The following MCM4 variants were observed in gnomAD, a reference collection of about 807,000 sequenced individuals.
The protein encoded by MCM4 is DNA replication licensing factor MCM4.
MCM4 carries 60 observed loss-of-function variants against 88.7 expected under a neutral mutation model. The ratio of observed to expected loss-of-function variants is 0.68; its 90% CI spans 0.55 to 0.84. MCM4 has a LOEUF of 0.84. MCM4 is among the 40% of genes least tolerant of loss of function. The pLI is 0.00. For missense variants in MCM4, 1,149 were observed against 1,105.5 expected (o/e 1.04, Z -0.56); for synonymous variants, 465 against 410.5 (o/e 1.13, Z -1.61).
chr8:47,964,039 C>T (rs997385222), intron 7 of MCM4, among the ~76,000 whole-genome samples: 8 of 152,170 alleles, frequency 5.3e-5, no homozygotes, highest in African/African-American at 1.7e-4. Context: ...GCCTGACCAA[C>T]GTGGAGAAAC....
rs1414989939 is a variant in MCM4, at chr8:47,977,282, A to C, written c.*504A>C. ...CTGTCTCAAAAAAAAAAAAAAAAAA[A>C]AAACCTGCCAATTTTCAAACATACC... On this transcript the variant is annotated 3_prime_UTR_variant, in exon 17 of 17. Coordinates refer to ENST00000649973, the MANE Select transcript of MCM4 (RefSeq NM_182746.3). 1 of 153,442 alleles carries C rather than the reference A, an allele frequency of 6.5e-6. No homozygotes were observed. Among genetic ancestry groups the C allele is most frequent in the Non-Finnish European group, 1.4e-5 (1 of 69,150 alleles). 9.5% of individuals were successfully genotyped at this position (153,442 alleles called of 1,614,324 possible).
chr8:47,974,605 C>T, intron 14 of MCM4, 129 bp from the exon 15 acceptor site: 1 of 727,252 alleles, frequency 1.4e-6, no homozygotes, highest in Non-Finnish European at 2.4e-6. Context: ...ACTTGATGAG[C>T]TCCGGGGCCC....
At position 47,961,680 on chromosome 8, in the gene MCM4, G is replaced by C. The variant is rs1204911889; in HGVS notation, c.235G>C (p.Ala79Pro). 2 of 1,603,014 alleles carry C rather than the reference G, an allele frequency of 1.2e-6. No individual in the cohort carries two copies. The highest frequency in any genetic ancestry group is 2.2e-5 in the South Asian group (2 of 90,204). ...FSSPPQMHSS[A>P]IPLDFDVSSP... ...CAGCCCTCCCCAAATGCATTCTTCA[G>C]GTGCGTGTCTGAAGATCTTGGTTTT... Residue 79 changes from alanine to proline, a missense_variant and splice_region_variant, in exon 3 of 17, where the codon GCT becomes CCT. Ala to Pro is a conservative substitution (Grantham distance 27, BLOSUM62 -1). Coordinates refer to ENST00000649973, the MANE Select transcript of MCM4 (RefSeq NM_182746.3).
chr8:47,962,055 A>G lies in MCM4; in HGVS notation c.238A>G (p.Ile80Val), dbSNP rs2154504991. The G allele has an allele frequency of 6.2e-7, 1 of 1,613,836 alleles. No homozygotes were observed. The highest frequency in any genetic ancestry group is 8.5e-7 in the Non-Finnish European group (1 of 1,179,914). The change falls in exon 4 of 17, where the codon ATC becomes GTC. Residue 80 changes from isoleucine to valine, a missense_variant and splice_region_variant. Around this residue, in one of 3 missense-constraint regions of MCM4, gnomAD observed 906 missense variants for 843.0 expected, o/e 1.07. Transcript: ENST00000649973. ...ATTTCCTAATTTTGTTTTTATAGCT[A>G]TCCCTCTTGACTTTGATGTTAGTTC... ...SSPPQMHSSA[I>V]PLDFDVSSPL...
intron 7 of MCM4, 136 bp downstream of exon 7, chr8:47,963,176 G>C: frequency 1.8e-6 from 1 of 563,850 alleles, no homozygotes; most frequent in Non-Finnish European, 3.1e-6. Flanking sequence ...CCTTTGGCCC[G>C]GTGTGGTGGC....
In MCM4 at chr8:47,962,391, C is replaced by G; in HGVS notation, c.486C>G (p.Cys162Trp). Residue 162 changes from cysteine (C) to tryptophan (W), a missense_variant, in exon 5 of 17, where the codon TGC becomes TGG. By Grantham distance (215) the Cys-to-Trp change is radical (BLOSUM62 -2). Coordinates refer to ENST00000649973, the MANE Select transcript of MCM4 (RefSeq NM_182746.3). ...IWGTDVNVAA[C>W]KENFQRFLQR... is the part of the protein sequence containing the mutation. The stretch of plus-strand genomic sequence containing the variant: ...GAACAGATGTAAATGTGGCAGCATG[C>G]AAAGAAAACTTTCAGGTGAGCTACA... 6.2e-7 allele frequency: 1 copy of G among 1,614,206 alleles called. No homozygotes were observed. The highest frequency in any genetic ancestry group is 8.5e-7 in the Non-Finnish European group (1 of 1,180,028).
Position 47,961,644 on chromosome 8 carries a change from G to A in MCM4, c.199G>A (p.Val67Met), listed in dbSNP as rs755044869. 7.4e-6 allele frequency: 12 copies of A among 1,612,526 alleles called. No individual in the cohort carries two copies. Among genetic ancestry groups the A allele is most frequent in the Non-Finnish European group, 1.7e-6 (2 of 1,178,998 alleles). ...VDLQSPAAQDVLFSSPPQMHS... is the reference protein window; with the variant it reads ...VDLQSPAAQDMLFSSPPQMHS... The stretch of plus-strand genomic sequence containing the variant: ...CCTGCAGAGCCCTGCTGCGCAGGAC[G>A]TGCTGTTTTCCAGCCCTCCCCAAAT... The change falls in exon 3 of 17, where the codon GTG becomes ATG. Residue 67 changes from valine (V) to methionine (M), a missense_variant. Val to Met is a conservative substitution (Grantham distance 21). Transcript: ENST00000649973.
rs1227306061 is a variant in MCM4, at chr8:47,972,977, C to CA, written c.2050dup (p.Met684AsnfsTer21). ...AGCAGGCAGAGGAGGAGCTCCTGGACATGGCGGTGCTAAAGGACTACATTG... is the reference window on the plus strand; with the variant it reads ...AGCAGGCAGAGGAGGAGCTCCTGGACAATGGCGGTGCTAAAGGACTACATTG... On this transcript the variant is annotated frameshift_variant, in exon 14 of 17. Transcript: ENST00000649973. LOFTEE classifies it high-confidence loss of function. The CA allele has an allele frequency of 1.2e-6, 2 of 1,614,192 alleles. No individual in the cohort carries two copies. The highest frequency in any genetic ancestry group is 1.7e-6 in the Non-Finnish European group (2 of 1,180,032).
At chr8:47,969,620 T>G (rs573077600) in intron 10 of MCM4, 178 bp from the exon 11 acceptor site, 2 of 611,090 alleles carry the variant, frequency 3.3e-6, no homozygotes, top group Admixed American at 5.9e-5. Flanking sequence ...AGCTTTGCAA[T>G]GTGGGCCTGA....
rs2090946797 is a variant in MCM4 at position 47,970,793 on chromosome 8, A to G, written c.1717A>G (p.Ile573Val). Residue 573 changes from isoleucine (I) to valine (V), a missense_variant, in exon 12 of 17, where the codon ATC becomes GTC. Ile to Val is a conservative substitution (Grantham distance 29, BLOSUM62 3). This residue lies in a region of MCM4 where 906 missense variants were observed against 843.0 expected (regional missense o/e 1.07). Transcript: ENST00000649973. ...CCTGAGTGACAACGGCATCTGCTGTATCGATGAGTTCGACAAGATGAATGA... is the reference window on the plus strand; with the variant it reads ...CCTGAGTGACAACGGCATCTGCTGTGTCGATGAGTTCGACAAGATGAATGA... Reference protein sequence around the residue: ...LVLSDNGICCIDEFDKMNEST... With the variant: ...LVLSDNGICCVDEFDKMNEST... The G allele has an allele frequency of 6.2e-7, 1 of 1,614,194 alleles. No individual in the cohort carries two copies. The highest frequency in any genetic ancestry group is 1.3e-5 in the African/African-American group (1 of 75,064).
In MCM4 at chr8:47,969,957, G is replaced by A. The variant is rs774001229; in HGVS notation, c.1334G>A (p.Arg445His). The change falls in exon 11 of 17, where the codon CGT (arginine) becomes CAT (histidine). Residue 445 changes from arginine to histidine, a missense_variant. By Grantham distance (29) the Arg-to-His change is conservative (BLOSUM62 0). Transcript: ENST00000649973. Reference sequence around the variant, plus strand: ...GAACAGAAACTTTTTTCAGAGAAACGTGTGGAATTGCTTAAGGAACTTTCC... The same window carrying A: ...GAACAGAAACTTTTTTCAGAGAAACATGTGGAATTGCTTAAGGAACTTTCC... Reference protein sequence around the residue: ...EAEQKLFSEKRVELLKELSRK... With the variant: ...EAEQKLFSEKHVELLKELSRK... The A allele has an allele frequency of 1.2e-5, 20 of 1,614,096 alleles. No homozygotes were observed. The highest frequency in any genetic ancestry group is 2.2e-5 in the East Asian group (1 of 44,894).
In MCM4 at chr8:47,973,022, C is replaced by CA; in HGVS notation, c.2095dup (p.Met699AsnfsTer6). 1 of 1,614,062 alleles carries CA rather than the reference C, an allele frequency of 6.2e-7. No homozygotes were observed. Among genetic ancestry groups the CA allele is most frequent in the South Asian group, 1.1e-5 (1 of 91,076 alleles). On this transcript the variant is annotated frameshift_variant, in exon 14 of 17. Transcript: ENST00000649973. LOFTEE classifies it high-confidence loss of function. ...ACATTGCCTACGCGCACAGCACCAT[C>CA]ATGCCGCGGCTAAGTGAGGAAGCCA... is the stretch of plus-strand genomic sequence containing the variant.
At chr8:47,969,536 AC>A (rs1244028919) in intron 10 of MCM4, 1 of 487,146 alleles carries the variant, frequency 2.1e-6, no homozygotes, top group African/African-American at 1.9e-5. Context: ...AGGATTACAG[AC>A]ATGAGCCACC....
intron 14 of MCM4, among the ~76,000 whole-genome samples, chr8:47,973,473 G>A (rs2090973930): frequency 6.6e-6 from 1 of 151,812 alleles, no homozygotes; most frequent in African/African-American, 2.4e-5. Flanking sequence ...ACCATGCTGG[G>A]CCTAAGAATA....
chr8:47,964,407 G>A (rs2090878202), intron 7 of MCM4, among the ~76,000 whole-genome samples, 167 bp from the exon 8 acceptor site: 1 of 152,160 alleles, frequency 6.6e-6, no homozygotes, highest in Non-Finnish European at 1.5e-5. Context: ...TGCAGAAATA[G>A]ATAGTTCAGC....
chr8:47,970,349 A>T (rs1259662606), intron 11 of MCM4, among the ~76,000 whole-genome samples, 162 bp from the exon 12 acceptor site: 1 of 152,248 alleles, frequency 6.6e-6, no homozygotes, highest in Admixed American at 6.5e-5. Context: ...CTGGTCAGTG[A>T]TAACTTAAAG....
Position 47,970,782 on chromosome 8 carries a change from G to T in MCM4, c.1706G>T (p.Gly569Val). The change falls in exon 12 of 17, where the codon GGC becomes GTC. Residue 569 changes from glycine (G) to valine (V), a missense_variant. Coordinates refer to ENST00000649973, the MANE Select transcript of MCM4 (RefSeq NM_182746.3). ...QTGALVLSDN[G>V]ICCIDEFDKM... Reference sequence around the variant, plus strand: ...GGTGCTCTTGTCCTGAGTGACAACGGCATCTGCTGTATCGATGAGTTCGAC... The same window carrying T: ...GGTGCTCTTGTCCTGAGTGACAACGTCATCTGCTGTATCGATGAGTTCGAC... The T allele has an allele frequency of 6.2e-7, 1 of 1,614,176 alleles. No homozygotes were observed. Among genetic ancestry groups the T allele is most frequent in the Non-Finnish European group, 8.5e-7 (1 of 1,180,042 alleles).
intron 5 of MCM4, 126 bp from the exon 6 acceptor site, chr8:47,962,638 A>T (rs561469619): frequency 3.0e-5 from 22 of 730,392 alleles, no homozygotes; most frequent in South Asian, 2.0e-4. Context: ...TTTAGAAAAG[A>T]AAAAGGAAGA....
chr8:47,961,277 A>C, intron 2 of MCM4, 63 bp downstream of exon 2: 1 of 1,427,318 alleles, frequency 7.0e-7, no homozygotes, highest in South Asian at 1.5e-5. Context: ...CTCTCGCCGC[A>C]GCTGGCAGCG....
Sources: allele counts gnomAD v4.1 joint callset (sites outside exome capture counted in the v4.1 genomes callset), GRCh38; gene constraint gnomAD v4.1.1; regional missense constraint gnomAD v4.1.1; transcripts MANE v1.5; gene names NCBI Gene and HGNC (gene_info 2026-07-23, HGNC 2026-07-21).